LRP12: variants seen among roughly 807,000 people sequenced by gnomAD.
LRP12 encodes the protein low-density lipoprotein receptor-related protein 12.
A neutral mutation model predicts 66.0 loss-of-function variants in LRP12; 14 were observed. The ratio of observed to expected loss-of-function variants is 0.21; its 90% CI spans 0.14 to 0.33. The LOEUF (loss-of-function observed/expected upper bound fraction) is 0.33, where lower values mean the gene tolerates loss of function less well. LRP12 is among the 10% of genes least tolerant of loss of function. The pLI is 1.00. For synonymous variants in LRP12, 357 were observed against 359.1 expected (o/e 0.99, Z 0.07); for missense variants, 889 against 1,053.4 (o/e 0.84, Z 2.16).
intron 1 of LRP12, among the ~76,000 whole-genome samples, chr8:104,586,921 C>A (rs1367789679): frequency 6.6e-6 from 1 of 152,058 alleles, no homozygotes; most frequent in Non-Finnish European, 1.5e-5. Context: ...ATCTGCGGCC[C>A]ACACTGTTGG....
chr8:104,586,408 T>C lies in LRP12; in HGVS notation c.79+2411A>G, dbSNP rs190376148. Among the ~76,000 whole-genome samples, 555 of 152,356 alleles carry C rather than the reference T, an allele frequency of 3.6e-3. 7 individuals are homozygous for C. The highest frequency in any genetic ancestry group is 0.013 in the African/African-American group (531 of 41,594). On this transcript the variant is annotated intron_variant, in intron 1 of 6. Transcript: ENST00000276654. The stretch of plus-strand genomic sequence containing the variant: ...AATTAATATTGGAGTTCCCTAAATA[T>C]TGGCCAATCAACCTGCTTTTCTTTG...
chr8:104,496,357 T>C (rs1346120269), intron 5 of LRP12, among the ~76,000 whole-genome samples: 1 of 152,184 alleles, frequency 6.6e-6, no homozygotes, highest in East Asian at 1.9e-4. Context: ...TCTATATATT[T>C]TCCTAGGTTA....
Position 104,491,080 on chromosome 8 carries a change from G to A in LRP12, c.2173C>T (p.Gln725Ter), listed in dbSNP as rs1434079419. The A allele has an allele frequency of 6.2e-7, 1 of 1,614,062 alleles. No individual in the cohort carries two copies. Among genetic ancestry groups the A allele is most frequent in the Non-Finnish European group, 8.5e-7 (1 of 1,180,016 alleles). ...ATACGACTGAGTGCACTTGTAAGCT[G>A]GTGACGTGCTGGACTCACACTTGGG... ...EPPSVSPARH[Q>*]LTSALSRMTQ... The change falls in exon 7 of 7, where the codon CAG becomes TAG. Residue 725 changes from glutamine (Q) to a stop codon, truncating the protein, a stop_gained. Transcript: ENST00000276654. LOFTEE classifies it high-confidence loss of function.
intron 1 of LRP12, among the ~76,000 whole-genome samples, chr8:104,558,496 A>C (rs1811849534): frequency 6.6e-6 from 1 of 152,200 alleles, no homozygotes; most frequent in Non-Finnish European, 1.5e-5. Context: ...CTGAAACCAT[A>C]AAAATTCTAG....
rs756791217 is a variant in LRP12 at position 104,490,668 on chromosome 8, C to T, written c.*5G>A. The T allele has an allele frequency of 2.5e-6, 4 of 1,600,802 alleles. No homozygotes were observed. Among genetic ancestry groups the T allele is most frequent in the African/African-American group, 2.7e-5 (2 of 74,396 alleles). On this transcript the variant is annotated 3_prime_UTR_variant, in exon 7 of 7. Coordinates refer to ENST00000276654, the MANE Select transcript of LRP12 (RefSeq NM_013437.5). ...TGTATACAATCTCCCTTATGTGATTCGTACCTAACAAAGTAACAAAGCCTC... is the reference window on the plus strand; with the variant it reads ...TGTATACAATCTCCCTTATGTGATTTGTACCTAACAAAGTAACAAAGCCTC...
chr8:104,541,116 G>A (rs552598090), intron 1 of LRP12, among the ~76,000 whole-genome samples: 1 of 152,292 alleles, frequency 6.6e-6, no homozygotes, highest in East Asian at 1.9e-4. Flanking sequence ...AAGATTTTAT[G>A]TTTGAAATGT....
chr8:104,559,959 T>C (rs1038302687), intron 1 of LRP12, among the ~76,000 whole-genome samples: 1 of 152,274 alleles, frequency 6.6e-6, no homozygotes, highest in Admixed American at 6.5e-5. Context: ...TTGAGGTAGA[T>C]ATTGTCTCCA....
At chr8:104,559,640 A>C (rs899300072) in intron 1 of LRP12, among the ~76,000 whole-genome samples, 1 of 152,020 alleles carries the variant, frequency 6.6e-6, no homozygotes, top group Non-Finnish European at 1.5e-5. Context: ...AAAAAAAAAT[A>C]GTTTAGAGAG....
chr8:104,546,853 A>ATTCTTATAATTATTC (rs11269520), intron 1 of LRP12, among the ~76,000 whole-genome samples: 2 of 138,510 alleles, frequency 1.4e-5, no homozygotes, highest in Middle Eastern at 3.6e-3. Context: ...GGCCCTCTTC[A>ATTCTTATAATTATTC]TTCTTATAAT....
chr8:104,493,657 T>G (rs1234740582), intron 6 of LRP12, among the ~76,000 whole-genome samples: 2 of 152,222 alleles, frequency 1.3e-5, no homozygotes, highest in African/African-American at 2.4e-5. Context: ...TCAGTCAATC[T>G]CTGGATAAGG....
At chr8:104,560,515 A>G (rs1811890333) in intron 1 of LRP12, among the ~76,000 whole-genome samples, 1 of 152,204 alleles carries the variant, frequency 6.6e-6, no homozygotes, top group African/African-American at 2.4e-5. Flanking sequence ...GATAGTAATG[A>G]TGGCATGATG....
intron 1 of LRP12, among the ~76,000 whole-genome samples, chr8:104,565,630 C>T (rs1263765788): frequency 6.6e-6 from 1 of 151,940 alleles, no homozygotes; most frequent in Non-Finnish European, 1.5e-5. Flanking sequence ...GAGGCCAAGG[C>T]GGGTGGATCA....
intron 5 of LRP12, chr8:104,495,794 C>A (rs1199915697): frequency 1.3e-5 from 2 of 152,504 alleles, no homozygotes; most frequent in African/African-American, 2.4e-5. Flanking sequence ...TGGTGGCGGG[C>A]GCCTGTAATC....
chr8:104,533,913 A>G (rs570739362), intron 1 of LRP12, among the ~76,000 whole-genome samples: 1 of 152,168 alleles, frequency 6.6e-6, no homozygotes, highest in African/African-American at 2.4e-5. Context: ...AAGATTGTGG[A>G]TTCTGAGCTA....
At chr8:104,575,091 G>T (rs906117885) in intron 1 of LRP12, among the ~76,000 whole-genome samples, 1 of 152,164 alleles carries the variant, frequency 6.6e-6, no homozygotes, top group Non-Finnish European at 1.5e-5. Context: ...GTGTGGGAGA[G>T]GGGGAAGGGC....
intron 1 of LRP12, among the ~76,000 whole-genome samples, chr8:104,540,799 T>A (rs1811464683): frequency 6.6e-6 from 1 of 152,222 alleles, no homozygotes; most frequent in Non-Finnish European, 1.5e-5. Context: ...TGTGGCACGA[T>A]CTCAGCTCAC....
At chr8:104,528,023 C>G (rs1330411356) in intron 2 of LRP12, among the ~76,000 whole-genome samples, 7 of 152,084 alleles carry the variant, frequency 4.6e-5, no homozygotes, top group African/African-American at 1.7e-4. Context: ...GACTATACAG[C>G]CTGATTTGTC....
At chr8:104,544,529 T>C (rs1420020661) in intron 1 of LRP12, among the ~76,000 whole-genome samples, 3 of 152,202 alleles carry the variant, frequency 2.0e-5, no homozygotes, top group Non-Finnish European at 4.4e-5. Flanking sequence ...AAGGACAAGC[T>C]GACTCTCCTG....
rs1456422060 is a variant in LRP12 at position 104,534,895 on chromosome 8, C to T, written c.80-2932G>A. 5.3e-5 allele frequency among the ~76,000 whole-genome samples: 8 copies of T among 151,650 alleles called. No individual in the cohort carries two copies. In the East Asian group the frequency reaches 1.4e-3, roughly 26 times the overall value. On this transcript the variant is annotated intron_variant, in intron 1 of 6. Coordinates refer to ENST00000276654, the MANE Select transcript of LRP12 (RefSeq NM_013437.5). Reference sequence around the variant, plus strand: ...GCAAATTACATTCTCCTTAATGCCCCCTCCCAAACCCCAAGAAAATTTCAT... The same window carrying T: ...GCAAATTACATTCTCCTTAATGCCCTCTCCCAAACCCCAAGAAAATTTCAT...
Sources: allele counts gnomAD v4.1 joint callset (sites outside exome capture counted in the v4.1 genomes callset), GRCh38; gene constraint gnomAD v4.1.1; transcripts MANE v1.5; gene names NCBI Gene and HGNC (gene_info 2026-07-23, HGNC 2026-07-21).